The following TPR variants were observed in gnomAD, a reference collection of about 807,000 sequenced individuals.
TPR encodes the protein nucleoprotein TPR.
In TPR, 51 loss-of-function variants were observed where a neutral mutation model predicts 316.1. That is an observed-to-expected ratio of 0.16 (90% CI 0.13 to 0.20). TPR has a LOEUF of 0.20. Ranked by LOEUF, TPR falls within the 10% of genes least tolerant of loss-of-function variation. The pLI is 1.00. For missense variants in TPR, 2,272 were observed against 2,754.8 expected, an observed-to-expected ratio of 0.82 and a Z score of 3.92; for synonymous variants, 981 against 914.7, an observed-to-expected ratio of 1.07 and a Z score of -1.31.
chr1:186,314,157 T>A, intron 50 of TPR, 131 bp from the exon 51 acceptor site: 1 of 741,322 alleles, frequency 1.3e-6, no homozygotes, highest in Non-Finnish European at 2.1e-6. Context: ...TTCTACAACT[T>A]CAATGGAAAT....
chr1:186,348,811 C>G, intron 21 of TPR, among the ~76,000 whole-genome samples: 1 of 152,214 alleles, frequency 6.6e-6, no homozygotes, highest in East Asian at 1.9e-4. Context: ...AACACTAAAT[C>G]TTAAATCTAA....
Position 186,356,588 on chromosome 1 carries a change from G to A in TPR, c.1725-139C>T, listed in dbSNP as rs573164731. 9 of 776,878 alleles carry A rather than the reference G, an allele frequency of 1.2e-5. No individual in the cohort carries two copies. In the East Asian group the frequency reaches 2.2e-4, roughly 19 times the overall value. The allele number at this position is 776,878 out of a possible 1,614,324, so 48.1% of individuals were successfully genotyped here. On this transcript the variant is annotated intron_variant, in intron 14 of 50. Coordinates refer to ENST00000367478, the MANE Select transcript of TPR (RefSeq NM_003292.3). ...CTCTCATTATTTTTTTTCATGCTGA[G>A]TATTTTATGAACTACTTTTTAAATC...
Position 186,323,868 on chromosome 1 carries a change from C to T in TPR, c.6115G>A (p.Glu2039Lys). 1.3e-6 allele frequency: 2 copies of T among 1,536,290 alleles called. No individual in the cohort carries two copies. Among genetic ancestry groups the T allele is most frequent in the Non-Finnish European group, 1.7e-6 (2 of 1,153,178 alleles). Residue 2039 changes from glutamate (E) to lysine (K), a missense_variant and splice_region_variant, in exon 43 of 51, where the codon GAA (glutamate) becomes AAA (lysine). By Grantham distance (56) the Glu-to-Lys change is moderately conservative (BLOSUM62 1). Transcript: ENST00000367478. Reference sequence around the variant, plus strand: ...GATTCTGCAGCACCTGTATTTCCTTCACCTGTAGGAAAAGAGAAATTTACT... The same window carrying T: ...GATTCTGCAGCACCTGTATTTCCTTTACCTGTAGGAAAAGAGAAATTTACT... ...HRAADSQNSGEGNTGAAESSF... is the reference protein window; with the variant it reads ...HRAADSQNSGKGNTGAAESSF...
intron 4 of TPR, among the ~76,000 whole-genome samples, chr1:186,365,290 T>C (rs1370459651): frequency 6.6e-6 from 1 of 152,096 alleles, no homozygotes; most frequent in East Asian, 1.9e-4. Flanking sequence ...GAGATGGGGT[T>C]CTGCCATGTT....
chr1:186,361,168 G>C (rs978124326), intron 9 of TPR, among the ~76,000 whole-genome samples: 1 of 151,922 alleles, frequency 6.6e-6, no homozygotes, highest in East Asian at 1.9e-4. Flanking sequence ...GTATATCTTT[G>C]ATTTCGATTT....
chr1:186,341,859 A>ATCTTCTG (rs147919023), intron 27 of TPR: 28,932 of 157,288 alleles, frequency 0.18, 3,016 homozygotes, highest in African/African-American at 0.29. Context: ...ATAATTATCC[A>ATCTTCTG]TCTTCTGCAC....
At position 186,359,981 on chromosome 1, in the gene TPR, C is replaced by A. The variant is rs1198971555; in HGVS notation, c.1207G>T (p.Val403Leu). ...MKLTELYNAY[V>L]ETQDQLLLEK... ...AAAAGCAACTGATCCTGAGTTTCCA[C>A]ATAAGCATTATAGAGCTGAAAGTAG... The change falls in exon 12 of 51, where the codon GTG (valine) becomes TTG (leucine). Residue 403 changes from valine to leucine, a missense_variant. By Grantham distance (32) the Val-to-Leu change is conservative. Coordinates refer to ENST00000367478, the MANE Select transcript of TPR (RefSeq NM_003292.3). 3.1e-6 allele frequency: 5 copies of A among 1,608,610 alleles called. No individual in the cohort carries two copies. Among genetic ancestry groups the A allele is most frequent in the Non-Finnish European group, 2.5e-6 (3 of 1,178,658 alleles).
chr1:186,361,567 A>AAG (rs930921807), intron 9 of TPR, 55 bp downstream of exon 9: 2 of 1,546,534 alleles, frequency 1.3e-6, no homozygotes, highest in East Asian at 2.3e-5. Context: ...CAAGGGTAAA[A>AAG]AAAAAAAAAG....
intron 34 of TPR, 58 bp from the exon 35 acceptor site, chr1:186,335,187 C>T (rs1403752298): frequency 1.9e-6 from 3 of 1,565,274 alleles, no homozygotes; most frequent in East Asian, 4.5e-5. Flanking sequence ...ACTAAAAATG[C>T]CACAAAAAAA....
At position 186,353,693 on chromosome 1, in the gene TPR, C is replaced by A; in HGVS notation, c.2329G>T (p.Ala777Ser). The A allele has an allele frequency of 6.2e-7, 1 of 1,613,040 alleles. No homozygotes were observed. Residue 777 changes from alanine (A) to serine (S), a missense_variant, in exon 18 of 51, where the codon GCA becomes TCA. Physicochemically the swap from Ala to Ser is moderately conservative, Grantham distance 99. This residue lies in a region of TPR where 757 missense variants were observed against 859.8 expected (regional missense o/e 0.88). Coordinates refer to ENST00000367478, the MANE Select transcript of TPR (RefSeq NM_003292.3). ...LRGANEKLAVAEVRAENLKKE... is the reference protein window; with the variant it reads ...LRGANEKLAVSEVRAENLKKE... ...ACAAGGGATATTGGACTCACTTCTG[C>A]GACAGCTAGCTTCTCATTTGCTCCT...
At chr1:186,350,452 CT>C in intron 20 of TPR, 64 bp from the exon 21 acceptor site, 2 of 1,246,050 alleles carry the variant, frequency 1.6e-6, no homozygotes, top group Non-Finnish European at 1.1e-6. Context: ...TTCAAACTAT[CT>C]TTTTATAGAC....
Position 186,368,826 on chromosome 1 carries a change from G to A in TPR, c.331-844C>T, listed in dbSNP as rs1475076712. Among the ~76,000 whole-genome samples the A allele has an allele frequency of 3.3e-5, 5 of 152,220 alleles. No individual in the cohort carries two copies. In the South Asian group the frequency reaches 6.2e-4, roughly 19 times the overall value. ...TGTGATCCAAACAATCATTACCAAGGCCAATGTCAAGAACCTTTCCCCTAT... is the reference window on the plus strand; with the variant it reads ...TGTGATCCAAACAATCATTACCAAGACCAATGTCAAGAACCTTTCCCCTAT... On this transcript the variant is annotated intron_variant, in intron 3 of 50. Coordinates refer to ENST00000367478, the MANE Select transcript of TPR (RefSeq NM_003292.3).
intron 45 of TPR, 98 bp from the exon 46 acceptor site, chr1:186,320,516 A>G: frequency 2.1e-6 from 2 of 956,296 alleles, no homozygotes; most frequent in Admixed American, 3.0e-5. Flanking sequence ...ATGAACATCA[A>G]CAAACTGGGA....
chr1:186,351,861 AT>A, intron 19 of TPR, 114 bp downstream of exon 19: 2 of 1,212,996 alleles, frequency 1.6e-6, no homozygotes, highest in Non-Finnish European at 2.3e-6. Flanking sequence ...TTCAATGATC[AT>A]AATGGATGAC....
At chr1:186,329,524 A>C (rs1164204456) in intron 39 of TPR, among the ~76,000 whole-genome samples, 1 of 152,180 alleles carries the variant, frequency 6.6e-6, no homozygotes, top group African/African-American at 2.4e-5. Flanking sequence ...CCTGAAGTTA[A>C]TCTGACACAA....
chr1:186,375,067 G>C lies in TPR; in HGVS notation c.-39C>G. 1 of 1,613,028 alleles carries C rather than the reference G, an allele frequency of 6.2e-7. No homozygotes were observed. Among genetic ancestry groups the C allele is most frequent in the Non-Finnish European group, 8.5e-7 (1 of 1,179,732 alleles). On this transcript the variant is annotated 5_prime_UTR_variant, in exon 1 of 51. Transcript: ENST00000367478. ...GGGACCCCAGTGGCAGCGGCCGACGGGGTAGAAGCGGAGAAGAAAGGCGAA... is the reference window on the plus strand; with the variant it reads ...GGGACCCCAGTGGCAGCGGCCGACGCGGTAGAAGCGGAGAAGAAAGGCGAA...
In TPR at chr1:186,356,651, G is replaced by A. The variant is rs1659037540; in HGVS notation, c.1725-202C>T. The A allele has an allele frequency of 4.6e-5, 20 of 439,122 alleles. No homozygotes were observed. In the South Asian group the frequency reaches 1.2e-3, roughly 26 times the overall value. The allele number at this position is 439,122 out of a possible 1,614,324, so 27.2% of individuals were successfully genotyped here. Reference sequence around the variant, plus strand: ...GACTCAGGTACTTATACTTACCAATGCAATCTGAAAAATTTGTTTGTAAAA... The same window carrying A: ...GACTCAGGTACTTATACTTACCAATACAATCTGAAAAATTTGTTTGTAAAA... On this transcript the variant is annotated intron_variant, in intron 14 of 50. Transcript: ENST00000367478.
In TPR at chr1:186,334,458, A is replaced by G. The variant is rs35625576; in HGVS notation, c.5049T>C (p.Ala1683=). 45 of 1,613,624 alleles carry G rather than the reference A, an allele frequency of 2.8e-5. 1 individual carries two copies. In the Admixed American group the frequency reaches 6.8e-4, roughly 25 times the overall value. ...TTGACTTATTTCCAGCCATAGCTGC[A>G]GCTGTCACTTTACTTGGAGTAGACA... ...PVVSTPSKVT[A]AAMAGNKSTP... is the part of the protein sequence containing the mutation. Residue 1683 remains alanine, a synonymous_variant, in exon 36 of 51, where the codon GCT becomes GCC. Coordinates refer to ENST00000367478, the MANE Select transcript of TPR (RefSeq NM_003292.3).
At chr1:186,327,841 G>T (rs1249101529) in intron 39 of TPR, among the ~76,000 whole-genome samples, 181 bp from the exon 40 acceptor site, 1 of 151,816 alleles carries the variant, frequency 6.6e-6, no homozygotes, top group Non-Finnish European at 1.5e-5. Context: ...GAGTGCAATG[G>T]TGCTATCTCA....
Sources: gnomAD v4.1 joint callset for allele counts (sites outside exome capture counted in the v4.1 genomes callset) on GRCh38, gnomAD v4.1.1 for gene constraint, gnomAD v4.1.1 regional missense constraint, MANE v1.5 for transcripts, NCBI Gene and HGNC (gene_info 2026-07-23, HGNC 2026-07-21) for gene names.